The following APOO variants were observed in gnomAD, a reference collection of about 807,000 sequenced individuals.
APOO encodes the protein apolipoprotein O.
APOO carries 11 observed loss-of-function variants against 23.1 expected under a neutral mutation model. The observed-to-expected ratio is 0.48, with a 90% CI of 0.30 to 0.79. The LOEUF is 0.79. APOO is among the 30% of genes least tolerant of loss of function. The probability of loss-of-function intolerance (pLI) is 0.07; values close to 1 mark genes in which losing one functional copy is unlikely to be tolerated. For missense variants in APOO, 160 were observed against 142.7 expected (o/e 1.12, Z -0.62); for synonymous variants, 59 against 54.8 (o/e 1.08, Z -0.34).
At chrX:23,861,924 C>G (rs181681363) in intron 5 of APOO, among the ~76,000 whole-genome samples, 101 of 108,220 alleles carry the variant, frequency 9.3e-4, no homozygotes, top group African/African-American at 3.2e-3. Context: ...TAGCCTCAGC[C>G]TCCTGAGTAG....
chrX:23,876,456 A>G (rs1164363434), intron 3 of APOO, among the ~76,000 whole-genome samples: 1 of 105,727 alleles, frequency 9.5e-6, no homozygotes, highest in Non-Finnish European at 1.9e-5. Flanking sequence ...CTTCAGATCA[A>G]TATCTAGAAT....
chrX:23,905,411 A>G (rs1927311574), intron 1 of APOO, among the ~76,000 whole-genome samples: 1 of 109,117 alleles, frequency 9.2e-6, no homozygotes, highest in South Asian at 4.0e-4. Context: ...AATGATAACA[A>G]TAATAATAAT....
At chrX:23,845,525 G>C (rs1254280833) in intron 7 of APOO, among the ~76,000 whole-genome samples, 1 of 112,001 alleles carries the variant, frequency 8.9e-6, no homozygotes, top group Non-Finnish European at 1.9e-5. Context: ...CCCAATCCCT[G>C]GCAATCGCCA....
rs928488962 is a variant in APOO at position 23,861,246 on chromosome X, C to G, written c.389-2513G>C. Among the ~76,000 whole-genome samples the G allele has an allele frequency of 3.6e-5, 4 of 111,041 alleles. No homozygotes were observed. The South Asian group carries it at 1.1e-3, about 32-fold the overall frequency. ...CTCACAGATGGTTTAACACCATTCC[C>G]TTGGTGCTGTCCTTGTGCAACAGTG... is the stretch of plus-strand genomic sequence containing the variant. On this transcript the variant is annotated intron_variant, in intron 5 of 8. Transcript: ENST00000379226.
chrX:23,837,466 C>T, intron 8 of APOO: 2 of 414,805 alleles, frequency 4.8e-6, no homozygotes, highest in Non-Finnish European at 8.3e-6. Context: ...GAAGTCCAGC[C>T]TGGGTAACAC....
chrX:23,843,458 A>AT (rs5901740), intron 7 of APOO, among the ~76,000 whole-genome samples: 18,885 of 107,011 alleles, frequency 0.18, 3,538 homozygotes, highest in African/African-American at 0.56. Flanking sequence ...GCCAGAAATC[A>AT]TTTTTTTTTG....
chrX:23,865,756 C>T (rs183077170), intron 5 of APOO, among the ~76,000 whole-genome samples: 151 of 111,364 alleles, frequency 1.4e-3, no homozygotes, highest in Middle Eastern at 4.6e-3. Flanking sequence ...GCTTGGTGAA[C>T]CCCTCTGATG....
chrX:23,873,417 G>C (rs1019996137), intron 4 of APOO, among the ~76,000 whole-genome samples: 2 of 111,163 alleles, frequency 1.8e-5, no homozygotes, highest in African/African-American at 6.5e-5. Context: ...GACCAGCCCG[G>C]CTAACAAGGT....
intron 5 of APOO, among the ~76,000 whole-genome samples, chrX:23,865,792 C>A (rs1202481429): frequency 1.8e-5 from 2 of 110,861 alleles, no homozygotes; most frequent in East Asian, 5.7e-4. Flanking sequence ...CTTTCTATAC[C>A]CAACGCTCAG....
chrX:23,855,719 G>A (rs189008178), intron 7 of APOO, among the ~76,000 whole-genome samples: 1 of 111,543 alleles, frequency 9.0e-6, no homozygotes, highest in East Asian at 2.8e-4. Context: ...TAAAAGAGAT[G>A]AAAGGTGACA....
rs973147406 is a variant in APOO at position 23,843,262 on chromosome X, A to C, written c.562-2885T>G. ...TCAGGAAAACAACTTTGTTGCTAGG[A>C]AAATTTTCTTGTTTGGTTACATATC... On this transcript the variant is annotated intron_variant, in intron 7 of 8. Coordinates refer to ENST00000379226, the MANE Select transcript of APOO (RefSeq NM_024122.5). Among the ~76,000 whole-genome samples, 6 of 111,478 alleles carry C rather than the reference A, an allele frequency of 5.4e-5. No homozygotes were observed. The East Asian group carries it at 1.4e-3, about 26-fold the overall frequency.
chrX:23,905,777 C>A (rs1601950518), intron 1 of APOO, among the ~76,000 whole-genome samples: 1 of 112,443 alleles, frequency 8.9e-6, no homozygotes, highest in Non-Finnish European at 1.9e-5. Context: ...GCCCACTAAA[C>A]AAAAAGATCT....
chrX:23,847,694 G>A (rs1924312125), intron 7 of APOO, among the ~76,000 whole-genome samples: 1 of 107,699 alleles, frequency 9.3e-6, no homozygotes, highest in African/African-American at 3.4e-5. Flanking sequence ...GGAGTGGTAC[G>A]AACACAGCGC....
chrX:23,843,585 T>C (rs899979956), intron 7 of APOO, among the ~76,000 whole-genome samples: 19 of 94,801 alleles, frequency 2.0e-4, no homozygotes, highest in African/African-American at 6.8e-4. Flanking sequence ...ATTTCTTTTT[T>C]TTTTTTTTTT....
Position 23,880,870 on chromosome X carries a change from G to T in APOO, c.92C>A (p.Pro31His). ...VYAAPKKDSPPKNSVKVDELS... is the reference protein window; with the variant it reads ...VYAAPKKDSPHKNSVKVDELS... Reference sequence around the variant, plus strand: ...CTCATCAACCTTCACGGAATTTTTGGGAGGTGAGTCCTTTTTTGGTGCTGC... The same window carrying T: ...CTCATCAACCTTCACGGAATTTTTGTGAGGTGAGTCCTTTTTTGGTGCTGC... Residue 31 changes from proline to histidine, a missense_variant, in exon 2 of 9, where the codon CCC becomes CAC. Physicochemically the swap from Pro to His is moderately conservative, Grantham distance 77. Transcript: ENST00000379226. 1 of 1,185,603 alleles carries T rather than the reference G, an allele frequency of 8.4e-7. No homozygotes were observed. Among genetic ancestry groups the T allele is most frequent in the East Asian group, 3.1e-5 (1 of 32,730 alleles).
intron 8 of APOO, chrX:23,837,352 T>C (rs775846630): frequency 1.4e-5 from 12 of 850,254 alleles, no homozygotes; most frequent in Non-Finnish European, 2.0e-5. Context: ...GAAAGCCTAA[T>C]TTCTTTATGT....
At chrX:23,904,907 G>T (rs1181568635) in intron 1 of APOO, among the ~76,000 whole-genome samples, 1 of 111,125 alleles carries the variant, frequency 9.0e-6, no homozygotes, top group Admixed American at 9.7e-5. Context: ...TTTCCCAGCT[G>T]AAAGCATCCT....
At chrX:23,882,043 C>G (rs933315110) in intron 1 of APOO, among the ~76,000 whole-genome samples, 1 of 109,336 alleles carries the variant, frequency 9.1e-6, no homozygotes, top group African/African-American at 3.3e-5. Context: ...TAGGTTGTAT[C>G]CTGGTGCTGC....
At chrX:23,869,476 G>A (rs1007351084) in intron 4 of APOO, among the ~76,000 whole-genome samples, 3 of 108,530 alleles carry the variant, frequency 2.8e-5, no homozygotes, top group Non-Finnish European at 5.7e-5. Context: ...AACAAGCTGT[G>A]AGTGGTGGCT....
Sources: gnomAD v4.1 joint callset for allele counts (sites outside exome capture counted in the v4.1 genomes callset) on GRCh38, gnomAD v4.1.1 for gene constraint, MANE v1.5 for transcripts, NCBI Gene and HGNC (gene_info 2026-07-23, HGNC 2026-07-21) for gene names.